The following CEP162 variants were observed in gnomAD, a reference collection of about 807,000 sequenced individuals.
CEP162 encodes centrosomal protein 162, also known as centrosomal protein of 162 kDa.
Under a neutral mutation model 169.2 loss-of-function variants are expected in CEP162, and 141 were observed. The observed-to-expected ratio is 0.83, with a 90% CI of 0.73 to 0.96. The LOEUF (loss-of-function observed/expected upper bound fraction) is 0.96, where lower values mean the gene tolerates loss of function less well. Ranked by LOEUF, CEP162 falls within the 40% of genes least tolerant of loss-of-function variation. CEP162 has a pLI of 0.00. For missense variants in CEP162, 1,600 were observed against 1,587.2 expected (o/e 1.01, Z -0.14); for synonymous variants, 540 against 526.4 (o/e 1.03, Z -0.35).
In CEP162 at chr6:84,204,013, A is replaced by T; in HGVS notation, c.655T>A (p.Ser219Thr). 1 of 1,609,242 alleles carries T rather than the reference A, an allele frequency of 6.2e-7. No homozygotes were observed. The highest frequency in any genetic ancestry group is 2.2e-5 in the East Asian group (1 of 44,646). The change falls in exon 7 of 27, where the codon TCC becomes ACC. Residue 219 changes from serine to threonine, a missense_variant. Ser to Thr is a moderately conservative substitution (Grantham distance 58, BLOSUM62 1). Coordinates refer to ENST00000403245, the MANE Select transcript of CEP162 (RefSeq NM_014895.4). ...KDEEMPSKEN[S>T]KSEKISVPKQ... ...GGCACACTTATTTTTTCTGATTTGG[A>T]ATTCTCTTTGGAAGGCATCTCTTCA...
Position 84,195,024 on chromosome 6 carries a change from T to C in CEP162, c.887A>G (p.Tyr296Cys). 6.2e-7 allele frequency: 1 copy of C among 1,611,004 alleles called. No homozygotes were observed. The highest frequency in any genetic ancestry group is 8.5e-7 in the Non-Finnish European group (1 of 1,178,366). ...TCCCAATGAATGGGCTATATGACAA[T>C]AAGCTTGATGTAGGGCTTCAACGTC... Reference protein sequence around the residue: ...SSDVEALHQAYCHIAHSLGDE... With the variant: ...SSDVEALHQACCHIAHSLGDE... Residue 296 changes from tyrosine to cysteine, a missense_variant, in exon 10 of 27, where the codon TAT becomes TGT. Tyr to Cys is a radical substitution (Grantham distance 194). Transcript: ENST00000403245.
At chr6:84,180,835 G>T (rs981840846) in intron 13 of CEP162, among the ~76,000 whole-genome samples, 1 of 151,896 alleles carries the variant, frequency 6.6e-6, no homozygotes, top group Non-Finnish European at 1.5e-5. Flanking sequence ...ACTGCTCAAC[G>T]AAATAAAAGA....
At chr6:84,154,013 G>A (rs188552962) in intron 22 of CEP162, among the ~76,000 whole-genome samples, 1 of 152,212 alleles carries the variant, frequency 6.6e-6, no homozygotes, top group Non-Finnish European at 1.5e-5. Context: ...CTGTTAATTT[G>A]GGGTTAGGTG....
intron 11 of CEP162, among the ~76,000 whole-genome samples, chr6:84,191,131 A>C (rs972614121): frequency 3.9e-5 from 6 of 152,200 alleles, no homozygotes; most frequent in Non-Finnish European, 8.8e-5. Flanking sequence ...GAAAGAATAT[A>C]ATGTAAAAAA....
chr6:84,216,172 C>T (rs928950790), intron 3 of CEP162, among the ~76,000 whole-genome samples: 23 of 152,242 alleles, frequency 1.5e-4, no homozygotes, highest in African/African-American at 5.3e-4. Flanking sequence ...TTTAAAATTA[C>T]TTTGAAGTAA....
At chr6:84,199,615 T>C (rs1168834620) in intron 9 of CEP162, among the ~76,000 whole-genome samples, 1 of 151,744 alleles carries the variant, frequency 6.6e-6, no homozygotes, top group African/African-American at 2.4e-5. Flanking sequence ...ATTTCTGAGT[T>C]GGTTAGCGAT....
At chr6:84,173,833 G>A (rs573898420) in intron 16 of CEP162, among the ~76,000 whole-genome samples, 28 of 151,758 alleles carry the variant, frequency 1.8e-4, no homozygotes, top group Admixed American at 9.2e-4. Context: ...ACAGGTGTGC[G>A]CCACCATGCC....
At chr6:84,227,230 G>T (rs1018235214) in intron 1 of CEP162, among the ~76,000 whole-genome samples, 4 of 152,108 alleles carry the variant, frequency 2.6e-5, no homozygotes, top group Non-Finnish European at 4.4e-5. Context: ...TAGAGATGGG[G>T]GAGGGGAAGA....
intron 25 of CEP162, among the ~76,000 whole-genome samples, chr6:84,132,023 G>A (rs914157365): frequency 6.6e-6 from 1 of 152,162 alleles, no homozygotes; most frequent in African/African-American, 2.4e-5. Context: ...AGGAGCTCTT[G>A]TAAGGCATGC....
chr6:84,209,660 C>T (rs899370845), intron 6 of CEP162, among the ~76,000 whole-genome samples: 26 of 152,194 alleles, frequency 1.7e-4, no homozygotes, highest in African/African-American at 6.3e-4. Flanking sequence ...CAGGTGTAAG[C>T]CACCACACCC....
chr6:84,205,571 A>C (rs112710174), intron 6 of CEP162, among the ~76,000 whole-genome samples: 1 of 152,216 alleles, frequency 6.6e-6, no homozygotes. Flanking sequence ...GAAGTATCTC[A>C]AAATAACAAG....
At chr6:84,132,235 T>C (rs1318092851) in intron 25 of CEP162, among the ~76,000 whole-genome samples, 1 of 152,212 alleles carries the variant, frequency 6.6e-6, no homozygotes, top group Non-Finnish European at 1.5e-5. Flanking sequence ...GGGCTTCCCT[T>C]TGTGGGTAAG....
chr6:84,198,245 A>C lies in CEP162; in HGVS notation c.835+2544T>G, dbSNP rs2127728983. Among the ~76,000 whole-genome samples, 4 of 152,188 alleles carry C rather than the reference A, an allele frequency of 2.6e-5. 1 individual carries two copies. In the South Asian group the frequency reaches 8.3e-4, roughly 32 times the overall value. ...TAAACCTAGTTCACATACTCATTTGAAGACTTTCAAGTATATATTTTATTT... is the reference window on the plus strand; with the variant it reads ...TAAACCTAGTTCACATACTCATTTGCAGACTTTCAAGTATATATTTTATTT... On this transcript the variant is annotated intron_variant, in intron 9 of 26. Coordinates refer to ENST00000403245, the MANE Select transcript of CEP162 (RefSeq NM_014895.4).
rs766643474 is a variant in CEP162, at chr6:84,186,371, AAC to A, written c.1360_1361del (p.Val454Ter). ...YLNILRKKIT[V>X]NSSSLSQDDK... ...CATCCTGAGATAATGATGAAGAATTAACAGTTATTTTTTTCCTCAAAATATTA... is the reference window on the plus strand; with the variant it reads ...CATCCTGAGATAATGATGAAGAATTAAGTTATTTTTTTCCTCAAAATATTA... On this transcript the variant is annotated frameshift_variant, in exon 12 of 27. Transcript: ENST00000403245. LOFTEE classifies it high-confidence loss of function. The A allele has an allele frequency of 3.4e-6, 5 of 1,469,286 alleles. No individual in the cohort carries two copies. The highest frequency in any genetic ancestry group is 2.3e-5 in the South Asian group (2 of 87,374). The allele number at this position is 1,469,286 out of a possible 1,614,324, so 91.0% of individuals were successfully genotyped here.
rs186214483 is a variant in CEP162 at position 84,132,777 on chromosome 6, G to A, written c.3871-6265C>T. Among the ~76,000 whole-genome samples, 43 of 152,170 alleles carry A rather than the reference G, an allele frequency of 2.8e-4. No homozygotes were observed. The East Asian group carries it at 7.4e-3, about 26-fold the overall frequency. The stretch of plus-strand genomic sequence containing the variant: ...TTTTCAAGGTTTTTAGCTCCTTTGC[G>A]ATGGTTTCAAACATCCTCCTTTACC... On this transcript the variant is annotated intron_variant, in intron 25 of 26. Transcript: ENST00000403245.
intron 13 of CEP162, among the ~76,000 whole-genome samples, chr6:84,178,824 C>A (rs114616945): frequency 6.6e-6 from 1 of 152,106 alleles, no homozygotes; most frequent in African/African-American, 2.4e-5. Context: ...CCCAACCCCA[C>A]GACAGGCCCT....
Position 84,204,023 on chromosome 6 carries a change from G to C in CEP162, c.645C>G (p.Ser215=), listed in dbSNP as rs1166834669. ...TTTTTTCTGATTTGGAATTCTCTTT[G>C]GAAGGCATCTCTTCATCTTTAGTAG... ...PLTTKDEEMP[S]KENSKSEKIS... Residue 215 remains serine (S), a synonymous_variant, in exon 7 of 27, where the codon TCC becomes TCG. Transcript: ENST00000403245. 2 of 1,609,902 alleles carry C rather than the reference G, an allele frequency of 1.2e-6. No individual in the cohort carries two copies. Among genetic ancestry groups the C allele is most frequent in the Non-Finnish European group, 1.7e-6 (2 of 1,177,972 alleles).
chr6:84,222,911 G>A (rs938598950), intron 2 of CEP162, among the ~76,000 whole-genome samples: 1 of 152,206 alleles, frequency 6.6e-6, no homozygotes, highest in African/African-American at 2.4e-5. Flanking sequence ...CAGGAGGAGG[G>A]AAGAAAAAAT....
At chr6:84,162,986 CA>C (rs1180232064) in intron 19 of CEP162, among the ~76,000 whole-genome samples, 157 bp downstream of exon 19, 1 of 152,138 alleles carries the variant, frequency 6.6e-6, no homozygotes, top group African/African-American at 2.4e-5. Flanking sequence ...CAATCAAATT[CA>C]CACATCTTTT....
Sources: gnomAD v4.1 joint callset for allele counts (sites outside exome capture counted in the v4.1 genomes callset) on GRCh38, gnomAD v4.1.1 for gene constraint, MANE v1.5 for transcripts, NCBI Gene and HGNC (gene_info 2026-07-23, HGNC 2026-07-21) for gene names.